Variants in IQCM observed in about 807,000 individuals in gnomAD.
The protein encoded by IQCM is IQ motif containing M.
In IQCM, 45 loss-of-function variants were observed where a neutral mutation model predicts 57.6. The ratio of observed to expected loss-of-function variants is 0.78; its 90% CI spans 0.62 to 1.00. The LOEUF (loss-of-function observed/expected upper bound fraction) is 1.00, where lower values mean the gene tolerates loss of function less well. IQCM is among the 50% of genes least tolerant of loss of function. The pLI, the probability that IQCM is intolerant of heterozygous loss-of-function variation, is 0.00. For missense variants in IQCM, 468 were observed against 511.6 expected (o/e 0.91, Z 0.82); for synonymous variants, 148 against 158.9 (o/e 0.93, Z 0.51).
At chr4:149,371,355 G>T (rs1200117646) in intron 13 of IQCM, among the ~76,000 whole-genome samples, 1 of 152,150 alleles carries the variant, frequency 6.6e-6, no homozygotes, top group African/African-American at 2.4e-5. Flanking sequence ...AAATAATAAA[G>T]ATTTCTCTCC....
rs555438239 is a variant in IQCM, at chr4:149,547,634, G to A, written c.1228+821C>T. ...TTACCTGAAATTAGCTAGGAGAAGA[G>A]TTCTTATGTGTCCTCACCACACACT... On this transcript the variant is annotated intron_variant, in intron 12 of 13. Transcript: ENST00000636793. Among the ~76,000 whole-genome samples the A allele has an allele frequency of 7.2e-5, 11 of 152,266 alleles. No individual in the cohort carries two copies. In the South Asian group the frequency reaches 2.3e-3, roughly 32 times the overall value.
intron 5 of IQCM, among the ~76,000 whole-genome samples, chr4:149,686,878 C>T: frequency 6.6e-6 from 1 of 151,420 alleles, no homozygotes; most frequent in African/African-American, 2.4e-5. Flanking sequence ...TCTCTAGTTC[C>T]TATAAATAGG....
At chr4:149,359,034 G>T (rs1157734194) in intron 13 of IQCM, among the ~76,000 whole-genome samples, 2 of 151,942 alleles carry the variant, frequency 1.3e-5, no homozygotes, top group Non-Finnish European at 2.9e-5. Flanking sequence ...GGACATCAAG[G>T]AAATTTCCCT....
At chr4:149,795,284 G>A (rs1773009036) in intron 2 of IQCM, among the ~76,000 whole-genome samples, 1 of 152,108 alleles carries the variant, frequency 6.6e-6, no homozygotes, top group Non-Finnish European at 1.5e-5. Context: ...TGTGTGCTGG[G>A]GGAAGGAGAG....
chr4:149,369,873 T>G lies in IQCM; in HGVS notation c.1391-17807A>C, dbSNP rs550396177. Among the ~76,000 whole-genome samples, 67 of 152,254 alleles carry G rather than the reference T, an allele frequency of 4.4e-4. 1 individual carries two copies. Among genetic ancestry groups the G allele is most frequent in the Admixed American group, 2.0e-3 (31 of 15,298 alleles). On this transcript the variant is annotated intron_variant, in intron 13 of 13. Coordinates refer to ENST00000636793, the MANE Select transcript of IQCM (RefSeq NM_001363507.2). ...AAGTGATAAAAATCTTGCAATAATT[T>G]TAAAAATATTTATTTATTCTTATTT...
Position 149,460,272 on chromosome 4 carries a change from T to A in IQCM, c.1229-26715A>T, listed in dbSNP as rs1171024620. 3.3e-5 allele frequency among the ~76,000 whole-genome samples: 5 copies of A among 152,194 alleles called. No individual in the cohort carries two copies. In the South Asian group the frequency reaches 1.0e-3, roughly 31 times the overall value. Reference sequence around the variant, plus strand: ...TTCCATTTTTGCCTTGGGTTGTTTTTGTGTTGTTGACCTTTTAGAGTTCTC... The same window carrying A: ...TTCCATTTTTGCCTTGGGTTGTTTTAGTGTTGTTGACCTTTTAGAGTTCTC... On this transcript the variant is annotated intron_variant, in intron 12 of 13. Coordinates refer to ENST00000636793, the MANE Select transcript of IQCM (RefSeq NM_001363507.2).
intron 5 of IQCM, among the ~76,000 whole-genome samples, chr4:149,713,369 G>A (rs75304937): frequency 0.017 from 2,641 of 152,196 alleles, 90 homozygotes; most frequent in African/African-American, 0.06. Flanking sequence ...CATCTTGTTT[G>A]AGAAAACACA....
At chr4:149,698,961 G>A (rs867717354) in intron 5 of IQCM, among the ~76,000 whole-genome samples, 7 of 151,922 alleles carry the variant, frequency 4.6e-5, no homozygotes, top group Admixed American at 6.6e-5. Context: ...TTTAGCACAA[G>A]GCCTGGTACA....
chr4:149,600,765 G>A (rs936026224), intron 8 of IQCM, among the ~76,000 whole-genome samples: 2 of 152,042 alleles, frequency 1.3e-5, no homozygotes, highest in African/African-American at 2.4e-5. Context: ...AAATCACCAC[G>A]GATCTGATTC....
rs933178872 is a variant in IQCM at position 149,644,155 on chromosome 4, T to C, written c.566-22911A>G. Among the ~76,000 whole-genome samples the C allele has an allele frequency of 3.9e-5, 6 of 152,158 alleles. No homozygotes were observed. The East Asian group carries it at 5.8e-4, about 15-fold the overall frequency. ...AATAGATGCTCAGCATCTCCTTTTCTAGTAAATTAGGTTTTTTTAAAATCT... is the reference window on the plus strand; with the variant it reads ...AATAGATGCTCAGCATCTCCTTTTCCAGTAAATTAGGTTTTTTTAAAATCT... On this transcript the variant is annotated intron_variant, in intron 7 of 13. Coordinates refer to ENST00000636793, the MANE Select transcript of IQCM (RefSeq NM_001363507.2).
At chr4:149,602,052 A>G (rs190764234) in intron 8 of IQCM, among the ~76,000 whole-genome samples, 2,409 of 151,328 alleles carry the variant, frequency 0.016, 77 homozygotes, top group African/African-American at 0.055. Flanking sequence ...AAAAAAAAAA[A>G]AAAGAAAAAA....
chr4:149,632,958 G>A (rs6857256), intron 7 of IQCM, among the ~76,000 whole-genome samples: 31,882 of 150,756 alleles, frequency 0.21, 4,210 homozygotes, highest in Non-Finnish European at 0.28. Flanking sequence ...TCAGGAGATC[G>A]AGACCATCCT....
chr4:149,444,395 T>C (rs1486562533), intron 12 of IQCM, among the ~76,000 whole-genome samples: 3 of 151,926 alleles, frequency 2.0e-5, no homozygotes, highest in Non-Finnish European at 2.9e-5. Context: ...ATTTCTAACA[T>C]TGGAGATATA....
chr4:149,641,136 G>T (rs1350949358), intron 7 of IQCM, among the ~76,000 whole-genome samples: 1 of 152,096 alleles, frequency 6.6e-6, no homozygotes, highest in African/African-American at 2.4e-5. Context: ...TCAAAAAAAA[G>T]TGTTCTCATT....
rs201418958 is a variant in IQCM, at chr4:149,368,946, G to GTA, written c.1391-16882_1391-16881dup. 1.9e-3 allele frequency among the ~76,000 whole-genome samples: 104 copies of GTA among 54,262 alleles called. 9 individuals are homozygous for GTA. Among genetic ancestry groups the GTA allele is most frequent in the Non-Finnish European group, 3.0e-3 (74 of 24,628 alleles). 35.6% of individuals were successfully genotyped at this position (54,262 alleles called of 152,430 possible). A position where few individuals can be genotyped will look rare whatever the true frequency, so the allele number is the denominator to read the frequency against. Reference sequence around the variant, plus strand: ...TATATATACACGTGTATATATATGTGTATATATATACACGTGTATATATAT... The same window carrying GTA: ...TATATATACACGTGTATATATATGTGTATATATATATACACGTGTATATATAT... On this transcript the variant is annotated intron_variant, in intron 13 of 13. Transcript: ENST00000636793.
At chr4:149,788,575 A>C (rs1186309727) in intron 2 of IQCM, among the ~76,000 whole-genome samples, 1 of 152,188 alleles carries the variant, frequency 6.6e-6, no homozygotes, top group South Asian at 2.1e-4. Context: ...CCACTACGGA[A>C]AACAGTATGG....
At chr4:149,747,121 T>C (rs1295433834) in intron 2 of IQCM, among the ~76,000 whole-genome samples, 1 of 152,202 alleles carries the variant, frequency 6.6e-6, no homozygotes, top group East Asian at 1.9e-4. Flanking sequence ...AGTCTCCTGG[T>C]GTCTCTGACC....
At chr4:149,414,098 A>G (rs535013354) in intron 13 of IQCM, among the ~76,000 whole-genome samples, 1 of 152,282 alleles carries the variant, frequency 6.6e-6, no homozygotes, top group East Asian at 1.9e-4. Flanking sequence ...ATGCCACACA[A>G]AAGAATTGGT....
intron 8 of IQCM, among the ~76,000 whole-genome samples, chr4:149,599,698 T>C (rs941077388): frequency 1.3e-5 from 2 of 152,178 alleles, no homozygotes; most frequent in African/African-American, 4.8e-5. Context: ...CAACTTCCTA[T>C]AAGGTTATGT....
Sources: gnomAD v4.1 joint callset for allele counts (sites outside exome capture counted in the v4.1 genomes callset) on GRCh38, gnomAD v4.1.1 for gene constraint, MANE v1.5 for transcripts, NCBI Gene and HGNC (gene_info 2026-07-23, HGNC 2026-07-21) for gene names.